Variants in PRR16 observed in about 807,000 individuals in gnomAD.
PRR16 encodes protein Largen.
In PRR16, 6 loss-of-function variants were observed where a neutral mutation model predicts 18.2. The ratio of observed to expected loss-of-function variants is 0.33; its 90% CI spans 0.18 to 0.65. The LOEUF is 0.65. Ranked by LOEUF, PRR16 falls within the 30% of genes least tolerant of loss-of-function variation. The pLI is 0.74. For synonymous variants in PRR16, 151 were observed against 147.8 expected (o/e 1.02, Z -0.16); for missense variants, 412 against 376.6 (o/e 1.09, Z -0.78).
At chr5:120,764,520 C>A in the PRR16 span, among the ~76,000 whole-genome samples, 1 of 151,806 alleles carries the variant, frequency 6.6e-6, no homozygotes, top group Non-Finnish European at 1.5e-5. Context: ...AGTTTTATCG[C>A]TGTGTGTTCC....
At chr5:120,793,635 TA>T in the PRR16 span, among the ~76,000 whole-genome samples, 1 of 151,212 alleles carries the variant, frequency 6.6e-6, no homozygotes, top group Non-Finnish European at 1.5e-5. Flanking sequence ...ATATGAAGAG[TA>T]AAAACAATAT....
the PRR16 span, among the ~76,000 whole-genome samples, chr5:120,718,254 T>C: frequency 6.6e-6 from 1 of 152,134 alleles, no homozygotes. Flanking sequence ...AAAAAATCTA[T>C]GTCATATAGG....
chr5:120,574,117 G>A (rs1752999802), intron 1 of PRR16, among the ~76,000 whole-genome samples: 4 of 151,938 alleles, frequency 2.6e-5, no homozygotes, highest in African/African-American at 9.7e-5. Flanking sequence ...TGGACCAAAT[G>A]AAAATAAACT....
the PRR16 span, among the ~76,000 whole-genome samples, chr5:120,774,940 C>T: frequency 2.0e-5 from 3 of 152,106 alleles, no homozygotes; most frequent in Non-Finnish European, 4.4e-5. Context: ...TATTTACAAC[C>T]TCAAAGAGTT....
the PRR16 span, among the ~76,000 whole-genome samples, chr5:120,735,197 T>C: frequency 2.6e-5 from 4 of 152,220 alleles, no homozygotes; most frequent in Non-Finnish European, 5.9e-5. Flanking sequence ...AATTTCCTTC[T>C]TTTTTAAAGG....
the PRR16 span, among the ~76,000 whole-genome samples, chr5:120,784,687 A>G: frequency 6.6e-6 from 1 of 152,224 alleles, no homozygotes. Flanking sequence ...TAGATTAAAT[A>G]TAATTTTTAT....
chr5:120,715,664 A>T, the PRR16 span, among the ~76,000 whole-genome samples: 1 of 152,210 alleles, frequency 6.6e-6, no homozygotes, highest in African/African-American at 2.4e-5. Context: ...AAACAAAGCA[A>T]GTAAAAGCAG....
chr5:120,725,621 G>A, the PRR16 span, among the ~76,000 whole-genome samples: 1 of 151,966 alleles, frequency 6.6e-6, no homozygotes, highest in African/African-American at 2.4e-5. Flanking sequence ...AAGTTAAAGT[G>A]AGCTATAATC....
chr5:120,504,133 C>G (rs1750563111), intron 1 of PRR16, among the ~76,000 whole-genome samples: 1 of 151,964 alleles, frequency 6.6e-6, no homozygotes, highest in Admixed American at 6.6e-5. Flanking sequence ...ATTAACTTGT[C>G]ATTTAGCATT....
chr5:120,500,177 A>G lies in PRR16; in HGVS notation c.159+35532A>G, dbSNP rs370568833. Among the ~76,000 whole-genome samples, 182 of 152,256 alleles carry G rather than the reference A, an allele frequency of 1.2e-3. 2 individuals carry two copies. The highest frequency in any genetic ancestry group is 3.5e-3 in the South Asian group (17 of 4,814). On this transcript the variant is annotated intron_variant, in intron 1 of 1. Coordinates refer to ENST00000407149, the MANE Select transcript of PRR16 (RefSeq NM_001300783.2). ...GCTGTTTGCTGGGATTAGAACAACA[A>G]TAGTCTGAAAGTTTTCTGTCTTGCT... is the stretch of plus-strand genomic sequence containing the variant.
chr5:120,509,271 G>A (rs562220802), intron 1 of PRR16, among the ~76,000 whole-genome samples: 1 of 152,190 alleles, frequency 6.6e-6, no homozygotes, highest in Non-Finnish European at 1.5e-5. Flanking sequence ...CTGTAGGCCA[G>A]ATTTTCTCCT....
the PRR16 span, among the ~76,000 whole-genome samples, chr5:120,765,174 A>G: frequency 6.6e-6 from 1 of 152,092 alleles, no homozygotes; most frequent in Admixed American, 6.6e-5. Flanking sequence ...TAAAATATAA[A>G]TAATGGGTCA....
chr5:120,550,529 G>T (rs994903470), intron 1 of PRR16, among the ~76,000 whole-genome samples: 2 of 152,094 alleles, frequency 1.3e-5, no homozygotes. Context: ...GATTAAGACC[G>T]ACAGAAATGA....
the PRR16 span, among the ~76,000 whole-genome samples, chr5:120,694,759 C>T: frequency 1.3e-5 from 2 of 151,870 alleles, no homozygotes; most frequent in East Asian, 3.9e-4. Flanking sequence ...CAAGTGTAGC[C>T]TAGTTTTAAT....
At chr5:120,513,567 C>T (rs968906501) in intron 1 of PRR16, among the ~76,000 whole-genome samples, 4 of 152,152 alleles carry the variant, frequency 2.6e-5, no homozygotes, top group Admixed American at 6.5e-5. Context: ...CTTTACCTGG[C>T]TTCTGATCCT....
chr5:120,689,626 T>C (rs779232020), downstream of PRR16, among the ~76,000 whole-genome samples: 4 of 152,188 alleles, frequency 2.6e-5, no homozygotes, highest in Non-Finnish European at 5.9e-5. Context: ...AAGGTGATGT[T>C]TCCACAAAAT....
At chr5:120,678,689 G>A (rs955431987) in intron 1 of PRR16, among the ~76,000 whole-genome samples, 1 of 152,100 alleles carries the variant, frequency 6.6e-6, no homozygotes, top group Non-Finnish European at 1.5e-5. Flanking sequence ...TGTTTTCGTG[G>A]AGTTTCTAGT....
At chr5:120,715,241 TA>T in the PRR16 span, among the ~76,000 whole-genome samples, 2 of 152,156 alleles carry the variant, frequency 1.3e-5, no homozygotes, top group Non-Finnish European at 2.9e-5. Flanking sequence ...ACAGACAGTA[TA>T]AAAAATAAAT....
intron 1 of PRR16, among the ~76,000 whole-genome samples, chr5:120,541,354 C>G (rs949572633): frequency 6.6e-6 from 1 of 152,164 alleles, no homozygotes; most frequent in African/African-American, 2.4e-5. Context: ...CTATGTTGGC[C>G]AGGCTGGTCT....
Sources: gnomAD v4.1 joint callset for allele counts (sites outside exome capture counted in the v4.1 genomes callset) on GRCh38, gnomAD v4.1.1 for gene constraint, MANE v1.5 for transcripts, NCBI Gene and HGNC (gene_info 2026-07-23, HGNC 2026-07-21) for gene names.